Variants in AP1B1 observed in about 807,000 individuals in gnomAD.
AP1B1 encodes AP-1 complex subunit beta-1.
A neutral mutation model predicts 104.3 loss-of-function variants in AP1B1; 36 were observed. The ratio of observed to expected loss-of-function variants is 0.35; its 90% confidence interval spans 0.26 to 0.46. AP1B1 has a LOEUF of 0.46. AP1B1 is among the 20% of genes least tolerant of loss of function. The probability of loss-of-function intolerance (pLI) is 1.00; values close to 1 mark genes in which losing one functional copy is unlikely to be tolerated. For synonymous variants in AP1B1, 504 were observed against 517.5 expected (o/e 0.97, Z 0.35); for missense variants, 901 against 1,247.9 (o/e 0.72, Z 4.19).
chr22:29,351,686 A>G lies in AP1B1; in HGVS notation c.1059+19T>C. The G allele has an allele frequency of 6.2e-7, 1 of 1,613,224 alleles. No homozygotes were observed. The highest frequency in any genetic ancestry group is 1.1e-5 in the South Asian group (1 of 90,994). The stretch of plus-strand genomic sequence containing the variant: ...GGTCCCACACTGAGCCCGTGTCCTG[A>G]CCATCACACGCAGCTGACCTGGGCG... On this transcript the variant is annotated intron_variant, in intron 8 of 22. Coordinates refer to ENST00000357586, the MANE Select transcript of AP1B1 (RefSeq NM_001127.4).
intron 6 of AP1B1, 107 bp from the exon 7 acceptor site, chr22:29,354,978 G>A: frequency 5.0e-6 from 5 of 1,001,822 alleles, no homozygotes; most frequent in Middle Eastern, 2.3e-4. Flanking sequence ...GTTCACGCCT[G>A]TAATCCCAGC....
At chr22:29,381,988 C>T (rs2062443219) in intron 1 of AP1B1, among the ~76,000 whole-genome samples, 1 of 151,698 alleles carries the variant, frequency 6.6e-6, no homozygotes, top group Admixed American at 6.6e-5. Flanking sequence ...AACTTCCCTT[C>T]AGCGTGATAC....
intron 1 of AP1B1, among the ~76,000 whole-genome samples, chr22:29,368,916 ACT>A (rs984019006): frequency 1.3e-5 from 2 of 150,664 alleles, no homozygotes; most frequent in Admixed American, 6.6e-5. Context: ...ACAGAGCAAG[ACT>A]CTGTCTCCCC....
Position 29,354,951 on chromosome 22 carries a change from C to T in AP1B1, c.717-80G>A, listed in dbSNP as rs1431807396. On this transcript the variant is annotated intron_variant, in intron 6 of 22. Transcript: ENST00000357586. ...GTTTTTAGTTACCAAAATAGCATGTCCAGGCCAGGCGTGATAGTTCACGCC... is the reference window on the plus strand; with the variant it reads ...GTTTTTAGTTACCAAAATAGCATGTTCAGGCCAGGCGTGATAGTTCACGCC... 4.6e-6 allele frequency: 6 copies of T among 1,298,730 alleles called. No individual in the cohort carries two copies. In the East Asian group the frequency reaches 1.5e-4, roughly 32 times the overall value. The allele number at this position is 1,298,730 out of a possible 1,614,324, so 80.5% of individuals were successfully genotyped here.
Position 29,330,713 on chromosome 22 carries a change from C to T in AP1B1, c.2525-4G>A, listed in dbSNP as rs377256748. On this transcript the variant is annotated splice_polypyrimidine_tract_variant and splice_region_variant and intron_variant, in intron 19 of 22. Coordinates refer to ENST00000357586, the MANE Select transcript of AP1B1 (RefSeq NM_001127.4). ...GTGGCCAGGAACATCTGCCGGTCTG[C>T]GGGGTGAGCAGGGTGGGGATGAGAG... 5.6e-6 allele frequency: 9 copies of T among 1,610,142 alleles called. No homozygotes were observed. Among genetic ancestry groups the T allele is most frequent in the Admixed American group, 5.0e-5 (3 of 59,770 alleles).
At chr22:29,379,288 C>T (rs1602818930) in intron 1 of AP1B1, among the ~76,000 whole-genome samples, 1 of 152,250 alleles carries the variant, frequency 6.6e-6, no homozygotes, top group East Asian at 1.9e-4. Context: ...GAAATCGCAC[C>T]ACTGCACTCT....
intron 11 of AP1B1, among the ~76,000 whole-genome samples, chr22:29,344,370 C>G (rs2061757862): frequency 6.6e-6 from 1 of 152,112 alleles, no homozygotes; most frequent in African/African-American, 2.4e-5. Flanking sequence ...GTTCCAGTTC[C>G]TCTCAACACG....
Position 29,358,929 on chromosome 22 carries a change from G to A in AP1B1, c.322C>T (p.Arg108Trp), listed in dbSNP as rs1160266009. ...TCAACGCGGATGCAGCCCATGGTCC[G>A]CACTGCCAGGGCTCGGATGAGGGGG... ...PNPLIRALAV[R>W]TMGCIRVDKI... Residue 108 changes from arginine to tryptophan, a missense_variant, in exon 5 of 23, where the codon CGG (arginine) becomes TGG (tryptophan). This residue lies in a region of AP1B1 where 471 missense variants were observed against 696.7 expected (regional missense o/e 0.68). Transcript: ENST00000357586. 3.1e-6 allele frequency: 5 copies of A among 1,611,806 alleles called. No homozygotes were observed. Among genetic ancestry groups the A allele is most frequent in the South Asian group, 1.1e-5 (1 of 90,658 alleles).
At position 29,341,511 on chromosome 22, in the gene AP1B1, G is replaced by A. The variant is rs575547829; in HGVS notation, c.1786C>T (p.Arg596Cys). The A allele has an allele frequency of 3.8e-5, 62 of 1,612,416 alleles. No individual in the cohort carries two copies. The highest frequency in any genetic ancestry group is 8.9e-5 in the East Asian group (4 of 44,842). Reference protein sequence around the residue: ...RGVVHKSLPPRTASSESAESP... With the variant: ...RGVVHKSLPPCTASSESAESP... ...GCCAGTCTCACTCACGAGGCCGTGC[G>A]AGGTGGCAGGCTCTTGTGCACGACG... Residue 596 changes from arginine to cysteine, a missense_variant, in exon 13 of 23, where the codon CGC becomes TGC. Arg to Cys is a radical substitution (Grantham distance 180). Around this residue, in one of 3 missense-constraint regions of AP1B1, gnomAD observed 424 missense variants for 494.0 expected, o/e 0.86. Coordinates refer to ENST00000357586, the MANE Select transcript of AP1B1 (RefSeq NM_001127.4).
At chr22:29,337,777 G>A (rs1278698436) in intron 16 of AP1B1, among the ~76,000 whole-genome samples, 1 of 152,128 alleles carries the variant, frequency 6.6e-6, no homozygotes, top group Non-Finnish European at 1.5e-5. Flanking sequence ...GAGCTCTCAA[G>A]TCTGGCCGCT....
chr22:29,383,895 T>C (rs174774), intron 1 of AP1B1, among the ~76,000 whole-genome samples: 145,637 of 152,186 alleles, frequency 0.96, 69,732 homozygotes, highest in East Asian at 1. Flanking sequence ...GAGGCCTCCC[T>C]TCCTGACAGA....
At chr22:29,378,581 C>T (rs1291792102) in intron 1 of AP1B1, among the ~76,000 whole-genome samples, 1 of 142,642 alleles carries the variant, frequency 7.0e-6, no homozygotes, top group East Asian at 2.1e-4. Flanking sequence ...AAAAAAAGGC[C>T]GGGCGCAGTG....
In AP1B1 at chr22:29,349,268, C is replaced by T; in HGVS notation, c.1387G>A (p.Asp463Asn). Residue 463 changes from aspartate to asparagine, a missense_variant, in exon 11 of 23, where the codon GAT becomes AAT. Transcript: ENST00000357586. ...TCGAGGAAGCTCTCCAGCAGCTCAT[C>T]TGCGTTGTCGATCCGTTCCGCGTAC... ...GEYAERIDNA[D>N]ELLESFLEGF... 1.2e-6 allele frequency: 2 copies of T among 1,614,022 alleles called. No individual in the cohort carries two copies. The highest frequency in any genetic ancestry group is 1.7e-6 in the Non-Finnish European group (2 of 1,180,050).
At chr22:29,330,555 G>A (rs1342397665) in intron 20 of AP1B1, 23 bp from the exon 21 acceptor site, 1 of 1,610,074 alleles carries the variant, frequency 6.2e-7, no homozygotes, top group South Asian at 1.1e-5. Flanking sequence ...ATGGCCGTGA[G>A]AGGCCCCAGT....
chr22:29,358,316 A>C (rs546797521), intron 5 of AP1B1, among the ~76,000 whole-genome samples: 1 of 152,292 alleles, frequency 6.6e-6, no homozygotes, highest in East Asian at 1.9e-4. Context: ...AAAGCACCAC[A>C]CATGCAGCAT....
chr22:29,334,178 CCT>C, intron 17 of AP1B1, 85 bp downstream of exon 17: 1 of 1,398,174 alleles, frequency 7.2e-7, no homozygotes, highest in Non-Finnish European at 9.5e-7. Context: ...AGCCCCCACC[CCT>C]GCCTGCAGTC....
intron 1 of AP1B1, among the ~76,000 whole-genome samples, chr22:29,383,966 C>A (rs1370804519): frequency 6.6e-6 from 1 of 152,070 alleles, no homozygotes; most frequent in Admixed American, 6.6e-5. Context: ...AGTGTAGAAC[C>A]ATAGCCAAGT....
At chr22:29,335,824 G>A (rs1038876882) in intron 16 of AP1B1, among the ~76,000 whole-genome samples, 4 of 152,064 alleles carry the variant, frequency 2.6e-5, no homozygotes, top group East Asian at 3.9e-4. Flanking sequence ...CCCTGAGCAC[G>A]CCCCCGGACA....
chr22:29,341,394 C>T (rs2061712075), intron 13 of AP1B1, 107 bp downstream of exon 13: 1 of 1,419,304 alleles, frequency 7.0e-7, no homozygotes, highest in Non-Finnish European at 9.5e-7. Context: ...CAGTTTTCCT[C>T]AGACTCAGGT....
Sources: allele counts gnomAD v4.1 joint callset (sites outside exome capture counted in the v4.1 genomes callset), GRCh38; gene constraint gnomAD v4.1.1; regional missense constraint gnomAD v4.1.1; transcripts MANE v1.5; gene names NCBI Gene and HGNC (gene_info 2026-07-23, HGNC 2026-07-21).